Variants in USP43 observed in about 807,000 individuals in gnomAD.
The protein encoded by USP43 is ubiquitin carboxyl-terminal hydrolase 43.
In USP43, 33 loss-of-function variants were observed where a neutral mutation model predicts 90.7. The ratio of observed to expected loss-of-function variants is 0.36; its 90% CI spans 0.28 to 0.49. The LOEUF (loss-of-function observed/expected upper bound fraction) is 0.49, where lower values mean the gene tolerates loss of function less well. Ranked by LOEUF, USP43 falls within the 20% of genes least tolerant of loss-of-function variation. The pLI is 0.98. For missense variants in USP43, 1,274 were observed against 1,476.4 expected, an observed-to-expected ratio of 0.86 and a Z score of 2.25; for synonymous variants, 598 against 615.8, an observed-to-expected ratio of 0.97 and a Z score of 0.43.
chr17:9,692,719 T>C (rs1371078801), intron 8 of USP43, among the ~76,000 whole-genome samples: 2 of 152,342 alleles, frequency 1.3e-5, no homozygotes, highest in Non-Finnish European at 1.5e-5. Context: ...AAAATATACA[T>C]GAACTGGCTT....
chr17:9,659,499 C>T (rs925872070), intron 2 of USP43, among the ~76,000 whole-genome samples: 1 of 152,170 alleles, frequency 6.6e-6, no homozygotes, highest in Non-Finnish European at 1.5e-5. Flanking sequence ...CTCATGCTTT[C>T]TCAATTTCCC....
rs745576373 is a variant in USP43 at position 9,670,989 on chromosome 17, TC to T, written c.741-3899del. The stretch of plus-strand genomic sequence containing the variant: ...TCCCTGACTCTCTCCTGGCTTCCTC[TC>T]CCTGGGGAGGGCTTGCCTGGGATGG... On this transcript the variant is annotated intron_variant, in intron 3 of 14. Coordinates refer to ENST00000285199, the MANE Select transcript of USP43 (RefSeq NM_153210.5). Among the ~76,000 whole-genome samples the T allele has an allele frequency of 2.6e-4, 39 of 152,128 alleles. 1 individual carries two copies. The highest frequency in any genetic ancestry group is 1.8e-4 in the Non-Finnish European group (12 of 68,026).
intron 12 of USP43, among the ~76,000 whole-genome samples, chr17:9,703,202 G>C (rs1036436372): frequency 6.6e-6 from 1 of 150,672 alleles, no homozygotes; most frequent in Non-Finnish European, 1.5e-5. Context: ...TACTAAGAGC[G>C]TTATGGCTGA....
intron 2 of USP43, among the ~76,000 whole-genome samples, chr17:9,664,668 C>T (rs1431215521): frequency 2.1e-5 from 3 of 145,006 alleles, no homozygotes; most frequent in East Asian, 2.1e-4. Flanking sequence ...GACGGAGTCT[C>T]GCTCTGTCAC....
chr17:9,662,098 T>C (rs1307676572), intron 2 of USP43, among the ~76,000 whole-genome samples: 1 of 152,164 alleles, frequency 6.6e-6, no homozygotes, highest in Non-Finnish European at 1.5e-5. Flanking sequence ...TTTCAGTCTT[T>C]GGCCACTCTG....
intron 7 of USP43, among the ~76,000 whole-genome samples, chr17:9,684,343 G>C (rs1355215657): frequency 2.0e-5 from 3 of 152,114 alleles, no homozygotes; most frequent in African/African-American, 7.2e-5. Flanking sequence ...TGCCATGTGA[G>C]AGGTGAAGGA....
intron 2 of USP43, among the ~76,000 whole-genome samples, chr17:9,664,503 T>A (rs975245418): frequency 1.4e-4 from 21 of 152,208 alleles, no homozygotes; most frequent in African/African-American, 4.8e-4. Context: ...AGGTGCACGA[T>A]GTATCTATGG....
At chr17:9,723,542 C>T (rs1463950238) in intron 14 of USP43, among the ~76,000 whole-genome samples, 2 of 91,952 alleles carry the variant, frequency 2.2e-5, no homozygotes, top group Non-Finnish European at 4.6e-5. Context: ...CCTCCCCTCC[C>T]CTCCCCTCCC....
chr17:9,725,319 G>C (rs1357293169), intron 14 of USP43, among the ~76,000 whole-genome samples: 1 of 152,020 alleles, frequency 6.6e-6, no homozygotes, highest in South Asian at 2.1e-4. Context: ...TTCTCGGGGT[G>C]GGGTGGGGCG....
At chr17:9,691,292 A>C (rs973888810) in intron 8 of USP43, among the ~76,000 whole-genome samples, 1 of 150,522 alleles carries the variant, frequency 6.6e-6, no homozygotes, top group South Asian at 2.1e-4. Context: ...TTTTTTTTGT[A>C]TTTTTAGTAG....
At position 9,646,016 on chromosome 17, in the gene USP43, C is replaced by T. The variant is rs969054628; in HGVS notation, c.384C>T (p.Phe128=). The change falls in exon 1 of 15, where the codon TTC becomes TTT. Residue 128 remains phenylalanine (F), a synonymous_variant. Transcript: ENST00000285199. The stretch of plus-strand genomic sequence containing the variant: ...GCAACACCGACCTGCTGGCCGAGTT[C>T]CTGGCGCTGGGGCGCTACCGGGCGG... ...CLSNTDLLAE[F]LALGRYRAAP... is the part of the protein sequence containing the mutation. 9 of 1,486,788 alleles carry T rather than the reference C, an allele frequency of 6.1e-6. No individual in the cohort carries two copies. The highest frequency in any genetic ancestry group is 1.3e-5 in the South Asian group (1 of 76,684). 92.1% of individuals were successfully genotyped at this position (1,486,788 alleles called of 1,614,324 possible). A position where few individuals can be genotyped will look rare whatever the true frequency, so the allele number is the denominator to read the frequency against.
intron 1 of USP43, among the ~76,000 whole-genome samples, chr17:9,655,415 C>T (rs923522231): frequency 3.9e-5 from 6 of 152,226 alleles, no homozygotes; most frequent in African/African-American, 1.2e-4. Context: ...AGAAGGGGTA[C>T]CACGGGATGA....
In USP43 at chr17:9,680,213, T is replaced by C. The variant is rs758502038; in HGVS notation, c.970-18T>C. ...CTCTTTCAGAAATCAAGAGGGAAAA[T>C]GATCTTTCTCATTTCAGGTGATCTT... On this transcript the variant is annotated intron_variant, in intron 5 of 14. Transcript: ENST00000285199. 1 of 1,609,086 alleles carries C rather than the reference T, an allele frequency of 6.2e-7. No homozygotes were observed. Among genetic ancestry groups the C allele is most frequent in the Admixed American group, 1.7e-5 (1 of 59,248 alleles).
intron 8 of USP43, among the ~76,000 whole-genome samples, chr17:9,690,582 C>T (rs773652080): frequency 1.3e-5 from 2 of 152,020 alleles, no homozygotes; most frequent in Non-Finnish European, 2.9e-5. Context: ...AAACCTTATA[C>T]CTATTAAAAA....
In USP43 at chr17:9,674,250, T is replaced by G. The variant is rs1385070007; in HGVS notation, c.741-641T>G. 6.6e-6 allele frequency among the ~76,000 whole-genome samples: 1 copy of G among 152,120 alleles called. No individual in the cohort carries two copies. ...GTGCATTTATGTGTGTCACTAAACA[T>G]TCTTTTCCCTTTTAAAAAAACGGAG... On this transcript the variant is annotated intron_variant, in intron 3 of 14. Coordinates refer to ENST00000285199, the MANE Select transcript of USP43 (RefSeq NM_153210.5). This position sits in a 1 kb window ranked among gnomAD's most constrained non-coding sequence, Gnocchi z 4.4.
chr17:9,716,257 C>T (rs1916564390), intron 14 of USP43, among the ~76,000 whole-genome samples: 1 of 151,884 alleles, frequency 6.6e-6, no homozygotes, highest in Non-Finnish European at 1.5e-5. Flanking sequence ...ATTATATATA[C>T]TTGTGATTAG....
intron 2 of USP43, among the ~76,000 whole-genome samples, chr17:9,664,711 C>T (rs1338748396): frequency 6.6e-6 from 1 of 150,702 alleles, no homozygotes; most frequent in Non-Finnish European, 1.5e-5. Flanking sequence ...GATCTCGGCT[C>T]ACTTTAAGCT....
At chr17:9,722,406 G>A (rs117937664) in intron 14 of USP43, among the ~76,000 whole-genome samples, 17 of 152,250 alleles carry the variant, frequency 1.1e-4, no homozygotes, top group South Asian at 1.0e-3. Flanking sequence ...TTCAGAGGCC[G>A]TCTTATAATT....
intron 7 of USP43, among the ~76,000 whole-genome samples, chr17:9,684,081 C>T (rs1463964264): frequency 6.6e-6 from 1 of 151,728 alleles, no homozygotes; most frequent in Non-Finnish European, 1.5e-5. Context: ...ATGTTGCAGT[C>T]GGCCGAGATT....
Sources: gnomAD v4.1 joint callset for allele counts (sites outside exome capture counted in the v4.1 genomes callset) on GRCh38, gnomAD v4.1.1 for gene constraint, Gnocchi (gnomAD v3.1) non-coding constraint, MANE v1.5 for transcripts, NCBI Gene and HGNC (gene_info 2026-07-23, HGNC 2026-07-21) for gene names.